HS6ST2: variants seen among roughly 807,000 people sequenced by gnomAD.
HS6ST2 encodes the protein heparan sulfate 6-O-sulfotransferase 2.
HS6ST2 carries 17 observed loss-of-function variants against 33.0 expected under a neutral mutation model. The ratio of observed to expected loss-of-function variants is 0.52; its 90% confidence interval spans 0.35 to 0.77. The LOEUF (loss-of-function observed/expected upper bound fraction) is 0.77. Among genes scored for constraint, HS6ST2 ranks in the 30% least tolerant of loss-of-function variants. The pLI, the probability that HS6ST2 is intolerant of heterozygous loss-of-function variation, is 0.01. For synonymous variants in HS6ST2, 248 were observed against 237.1 expected, an observed-to-expected ratio of 1.05 and a Z score of -0.42; for missense variants, 519 against 551.7, an observed-to-expected ratio of 0.94 and a Z score of 0.59.
At chrX:132,744,788 C>T (rs1231471438) in intron 2 of HS6ST2, among the ~76,000 whole-genome samples, 2 of 111,648 alleles carry the variant, frequency 1.8e-5, no homozygotes, top group Admixed American at 1.9e-4. Context: ...GATCTGTTTC[C>T]ACCATGTGCC....
At chrX:132,790,984 A>AT (rs376082500) in intron 2 of HS6ST2, among the ~76,000 whole-genome samples, 69 of 105,088 alleles carry the variant, frequency 6.6e-4, no homozygotes, top group African/African-American at 1.4e-3. Flanking sequence ...CCGTCTCTAC[A>AT]TTTTTTTTTT....
intron 2 of HS6ST2, among the ~76,000 whole-genome samples, chrX:132,887,339 A>C (rs1249867831): frequency 8.9e-6 from 1 of 112,031 alleles, no homozygotes; most frequent in East Asian, 2.8e-4. Context: ...TAAACCAATT[A>C]TAAGCAAAAT....
intron 2 of HS6ST2, among the ~76,000 whole-genome samples, chrX:132,798,765 T>C (rs910064658): frequency 3.6e-5 from 4 of 112,069 alleles, no homozygotes; most frequent in Non-Finnish European, 7.5e-5. Context: ...CCAGATCTGA[T>C]GGAGCTACCA....
chrX:132,700,812 G>T (rs1033906278), intron 3 of HS6ST2, among the ~76,000 whole-genome samples: 29 of 110,525 alleles, frequency 2.6e-4, no homozygotes, highest in African/African-American at 9.2e-4. Context: ...GTCTATAGCC[G>T]CAATCCTCTC....
At chrX:132,673,558 A>G (rs1016765048) in intron 3 of HS6ST2, among the ~76,000 whole-genome samples, 3 of 112,352 alleles carry the variant, frequency 2.7e-5, no homozygotes, top group Non-Finnish European at 3.8e-5. Flanking sequence ...ATGTTTTCCA[A>G]TGTGTGTTCT....
intron 3 of HS6ST2, among the ~76,000 whole-genome samples, chrX:132,701,478 A>T (rs180714588): frequency 8.9e-6 from 1 of 112,354 alleles, no homozygotes; most frequent in Non-Finnish European, 1.9e-5. Flanking sequence ...TATTTAGAAC[A>T]CAGCCAAGTA....
chrX:132,946,863 T>G (rs771426089), intron 2 of HS6ST2, among the ~76,000 whole-genome samples: 17 of 111,952 alleles, frequency 1.5e-4, no homozygotes, highest in Non-Finnish European at 3.0e-4. Flanking sequence ...TACCCCAAAA[T>G]AGTAATAGAT....
chrX:132,867,680 G>A (rs950522210), intron 2 of HS6ST2, among the ~76,000 whole-genome samples: 17 of 111,369 alleles, frequency 1.5e-4, no homozygotes, highest in East Asian at 8.4e-4. Context: ...CATATCCAGC[G>A]AAACTGAGCT....
intron 2 of HS6ST2, among the ~76,000 whole-genome samples, chrX:132,785,183 T>A (rs1291249299): frequency 1.8e-5 from 2 of 112,057 alleles, no homozygotes; most frequent in Admixed American, 1.9e-4. Flanking sequence ...TACATTTGAG[T>A]CTTCTCAACT....
At chrX:132,920,700 T>G (rs774088175) in intron 2 of HS6ST2, among the ~76,000 whole-genome samples, 3 of 112,738 alleles carry the variant, frequency 2.7e-5, no homozygotes, top group African/African-American at 6.4e-5. Flanking sequence ...AAAGCTTGTC[T>G]GGTCCAAGAG....
chrX:132,638,061 A>G (rs890283316), intron 4 of HS6ST2, among the ~76,000 whole-genome samples: 8 of 97,045 alleles, frequency 8.2e-5, no homozygotes, highest in African/African-American at 3.0e-4. Flanking sequence ...GGTCCTAAGT[A>G]ACTCTGCCAA....
At chrX:132,894,158 A>C (rs1324806753) in intron 2 of HS6ST2, among the ~76,000 whole-genome samples, 10 of 96,418 alleles carry the variant, frequency 1.0e-4, no homozygotes, top group African/African-American at 2.4e-4. Flanking sequence ...AGGTGGGGAG[A>C]GAGACGAAGT....
intron 2 of HS6ST2, among the ~76,000 whole-genome samples, chrX:132,923,825 T>C (rs1159056646): frequency 2.7e-5 from 3 of 111,091 alleles, no homozygotes; most frequent in Non-Finnish European, 5.6e-5. Context: ...GCCCGCTCCA[T>C]ATGTAATAGC....
At chrX:132,748,637 C>CT (rs2064671266) in intron 2 of HS6ST2, among the ~76,000 whole-genome samples, 1 of 111,659 alleles carries the variant, frequency 9.0e-6, no homozygotes, top group African/African-American at 3.3e-5. Flanking sequence ...GGGTCTCACT[C>CT]TGTCACCCAG....
chrX:132,672,688 C>T, intron 3 of HS6ST2, among the ~76,000 whole-genome samples: 1 of 112,134 alleles, frequency 8.9e-6, no homozygotes, highest in Non-Finnish European at 1.9e-5. Flanking sequence ...AAAACCCTTT[C>T]CCACAGGTTC....
At chrX:132,702,499 G>A (rs1416660004) in intron 3 of HS6ST2, among the ~76,000 whole-genome samples, 1 of 112,135 alleles carries the variant, frequency 8.9e-6, no homozygotes, top group Non-Finnish European at 1.9e-5. Flanking sequence ...TTACTCTTCA[G>A]GACTAGCTGA....
At chrX:132,832,113 C>T (rs771822516) in intron 2 of HS6ST2, among the ~76,000 whole-genome samples, 4 of 111,369 alleles carry the variant, frequency 3.6e-5, no homozygotes, top group East Asian at 2.8e-4. Context: ...GATTGTATGA[C>T]GTTCACTTGC....
In HS6ST2 at chrX:132,787,167, G is replaced by GTGTATATATATA. The variant is rs1405731624; in HGVS notation, c.948-78674_948-78673insTATATATATACA. On this transcript the variant is annotated intron_variant, in intron 2 of 4. Coordinates refer to ENST00000370833, the MANE Select transcript of HS6ST2 (RefSeq NM_001394073.1). ...AAAGTGTGTGTGTGTATATATATAT[G>GTGTATATATATA]TATATATATATATATATATACATAT... Among the ~76,000 whole-genome samples the GTGTATATATATA allele has an allele frequency of 5.1e-4, 26 of 51,359 alleles. 1 individual carries two copies. The highest frequency in any genetic ancestry group is 5.9e-4 in the Non-Finnish European group (18 of 30,574). The allele number at this position is 51,359 out of a possible 115,157, so 44.6% of individuals were successfully genotyped here. A position where few individuals can be genotyped will look rare whatever the true frequency, so the allele number is the denominator to read the frequency against.
intron 3 of HS6ST2, among the ~76,000 whole-genome samples, chrX:132,675,135 G>A (rs1171365907): frequency 2.7e-5 from 3 of 111,062 alleles, no homozygotes; most frequent in Non-Finnish European, 5.7e-5. Flanking sequence ...AGAAGATGAC[G>A]GATTCAGTTT....
Sources: allele counts gnomAD v4.1 joint callset (sites outside exome capture counted in the v4.1 genomes callset), GRCh38; gene constraint gnomAD v4.1.1; transcripts MANE v1.5; gene names NCBI Gene and HGNC (gene_info 2026-07-23, HGNC 2026-07-21).